PTPRM: variants seen among roughly 807,000 people sequenced by gnomAD.
The protein encoded by PTPRM is receptor-type tyrosine-protein phosphatase mu.
A neutral mutation model predicts 186.7 loss-of-function variants in PTPRM; 47 were observed. The observed-to-expected ratio is 0.25, with a 90% CI of 0.20 to 0.32. PTPRM has a LOEUF of 0.32. Among genes scored for constraint, PTPRM ranks in the 10% least tolerant of loss-of-function variants. The pLI is 1.00. For missense variants in PTPRM, 1,494 were observed against 1,865.0 expected (o/e 0.80, Z 3.66); for synonymous variants, 668 against 674.9 (o/e 0.99, Z 0.16).
chr18:7,914,958 G>T (rs2050468622), intron 4 of PTPRM, among the ~76,000 whole-genome samples: 1 of 152,116 alleles, frequency 6.6e-6, no homozygotes, highest in South Asian at 2.1e-4. Flanking sequence ...GCAAAAGGGG[G>T]TTAGGACATA....
At chr18:7,897,137 A>G (rs2049404034) in intron 3 of PTPRM, among the ~76,000 whole-genome samples, 1 of 152,204 alleles carries the variant, frequency 6.6e-6, no homozygotes, top group Non-Finnish European at 1.5e-5. Flanking sequence ...GGTTAAACAA[A>G]GTAGAACTGC....
chr18:7,687,306 G>T (rs1180960019), intron 1 of PTPRM, among the ~76,000 whole-genome samples: 1 of 152,034 alleles, frequency 6.6e-6, no homozygotes, highest in East Asian at 1.9e-4. Flanking sequence ...ATTTAATTGT[G>T]GTCTGGCAAG....
At chr18:7,784,578 CT>C (rs2145127726) in intron 2 of PTPRM, among the ~76,000 whole-genome samples, 1 of 152,302 alleles carries the variant, frequency 6.6e-6, no homozygotes, top group South Asian at 2.1e-4. Context: ...TATGTTTCAG[CT>C]TTTTATAAAA....
At chr18:7,808,409 G>A (rs1232602330) in intron 2 of PTPRM, among the ~76,000 whole-genome samples, 1 of 152,190 alleles carries the variant, frequency 6.6e-6, no homozygotes, top group Non-Finnish European at 1.5e-5. Flanking sequence ...TATTTACTGT[G>A]AGATTCCACC....
intron 14 of PTPRM, among the ~76,000 whole-genome samples, chr18:8,195,333 G>C (rs559162264): frequency 1.3e-5 from 2 of 152,072 alleles, no homozygotes; most frequent in Admixed American, 1.3e-4. Flanking sequence ...ACAAGGGTTA[G>C]CAACTGTTAG....
intron 2 of PTPRM, among the ~76,000 whole-genome samples, chr18:7,780,290 A>C (rs1467607230): frequency 1.3e-5 from 2 of 152,198 alleles, no homozygotes; most frequent in Non-Finnish European, 2.9e-5. Context: ...ACAACATAGG[A>C]AACTGAAGTT....
chr18:7,764,537 G>C (rs746605250), intron 1 of PTPRM, among the ~76,000 whole-genome samples: 4 of 152,116 alleles, frequency 2.6e-5, no homozygotes, highest in Admixed American at 6.6e-5. Context: ...AGTTAAATAG[G>C]TTGATCCAGA....
intron 1 of PTPRM, among the ~76,000 whole-genome samples, chr18:7,626,031 C>T (rs1238591290): frequency 6.6e-6 from 1 of 152,202 alleles, no homozygotes; most frequent in Non-Finnish European, 1.5e-5. Context: ...AGAGAAAATA[C>T]TTCCTACTGT....
Position 8,394,605 on chromosome 18 carries a change from C to A in PTPRM, c.4338C>A (p.Asp1446Glu), listed in dbSNP as rs1394174594. 2.5e-6 allele frequency: 4 copies of A among 1,609,808 alleles called. No individual in the cohort carries two copies. The South Asian group carries it at 3.3e-5, about 13-fold the overall frequency. Reference protein sequence around the residue: ...TLRNNKPNMVDLLDQYKFCYE... With the variant: ...TLRNNKPNMVELLDQYKFCYE... Reference sequence around the variant, plus strand: ...GGAACAACAAGCCCAACATGGTCGACCTCCTGGTAGGACACCCCCTCTGAG... The same window carrying A: ...GGAACAACAAGCCCAACATGGTCGAACTCCTGGTAGGACACCCCCTCTGAG... Residue 1446 changes from aspartate to glutamate, a missense_variant, in exon 32 of 33, where the codon GAC becomes GAA. Physicochemically the swap from Asp to Glu is conservative, Grantham distance 45. Transcript: ENST00000580170.
intron 1 of PTPRM, among the ~76,000 whole-genome samples, chr18:7,664,809 T>A (rs2039060571): frequency 1.3e-5 from 2 of 152,194 alleles, no homozygotes; most frequent in Non-Finnish European, 2.9e-5. Flanking sequence ...TTACTGGGGC[T>A]GTATTTTTAC....
At position 8,387,057 on chromosome 18, in the gene PTPRM, C is replaced by T. The variant is rs764886279; in HGVS notation, c.4045-15C>T. 1 of 1,583,804 alleles carries T rather than the reference C, an allele frequency of 6.3e-7. No individual in the cohort carries two copies. Among genetic ancestry groups the T allele is most frequent in the Non-Finnish European group, 8.7e-7 (1 of 1,153,258 alleles). ...TTTTCTTTCCACTCCCCGATTGTTG[C>T]CTTGTTCTTCGTAGCCCCAAGATGG... is the stretch of plus-strand genomic sequence containing the variant. On this transcript the variant is annotated splice_polypyrimidine_tract_variant and intron_variant, in intron 30 of 32. Coordinates refer to ENST00000580170, the MANE Select transcript of PTPRM (RefSeq NM_001105244.2).
chr18:7,830,940 T>A (rs1027182729), intron 2 of PTPRM, among the ~76,000 whole-genome samples: 22 of 152,296 alleles, frequency 1.4e-4, no homozygotes, highest in Middle Eastern at 3.4e-3. Context: ...TGGTGTAGGA[T>A]ATGGAGTTTG....
At chr18:8,324,245 C>T (rs751677789) in intron 22 of PTPRM, among the ~76,000 whole-genome samples, 21 of 152,072 alleles carry the variant, frequency 1.4e-4, no homozygotes, top group Non-Finnish European at 2.5e-4. Flanking sequence ...GTTTACTAGC[C>T]TAACCCTGTA....
Position 8,314,772 on chromosome 18 carries a change from C to A in PTPRM, c.2843-9C>A. ...TTAATCGTTATTTTCTGTCCCTTTT[C>A]CTTTGCAGACGATCATTCCCGAGTG... On this transcript the variant is annotated splice_polypyrimidine_tract_variant and intron_variant, in intron 20 of 32. Coordinates refer to ENST00000580170, the MANE Select transcript of PTPRM (RefSeq NM_001105244.2). The A allele has an allele frequency of 6.2e-7, 1 of 1,609,330 alleles. No individual in the cohort carries two copies. The highest frequency in any genetic ancestry group is 1.1e-5 in the South Asian group (1 of 90,398).
intron 14 of PTPRM, among the ~76,000 whole-genome samples, chr18:8,236,267 C>A (rs759167173): frequency 6.6e-6 from 1 of 152,136 alleles, no homozygotes; most frequent in African/African-American, 2.4e-5. Context: ...GGTGCATACA[C>A]GTTAAAAAAT....
intron 13 of PTPRM, among the ~76,000 whole-genome samples, chr18:8,115,994 T>C (rs1339779100): frequency 1.3e-5 from 2 of 152,234 alleles, no homozygotes; most frequent in African/African-American, 2.4e-5. Context: ...TATACTAATT[T>C]TAAAACACTC....
At chr18:7,909,020 C>T (rs897618502) in intron 4 of PTPRM, among the ~76,000 whole-genome samples, 7 of 152,220 alleles carry the variant, frequency 4.6e-5, no homozygotes, top group African/African-American at 7.2e-5. Flanking sequence ...GCAGAGCTCA[C>T]GGCAAGGCAG....
At chr18:8,339,549 G>T (rs1211824628) in intron 22 of PTPRM, among the ~76,000 whole-genome samples, 1 of 152,084 alleles carries the variant, frequency 6.6e-6, no homozygotes, top group African/African-American at 2.4e-5. Context: ...AAAAATCTTG[G>T]GAGTTTGTTT....
intron 1 of PTPRM, among the ~76,000 whole-genome samples, chr18:7,658,056 T>C (rs2038892107): frequency 6.6e-6 from 1 of 152,128 alleles, no homozygotes; most frequent in Admixed American, 6.5e-5. Context: ...TAAGATTTAC[T>C]CTCTCAGCAG....
Sources: gnomAD v4.1 joint callset for allele counts (sites outside exome capture counted in the v4.1 genomes callset) on GRCh38, gnomAD v4.1.1 for gene constraint, MANE v1.5 for transcripts, NCBI Gene and HGNC (gene_info 2026-07-23, HGNC 2026-07-21) for gene names.